Variants in WFDC1 observed in about 807,000 individuals in gnomAD.
WFDC1 encodes WAP four-disulfide core domain protein 1.
In WFDC1, 39 loss-of-function variants were observed where a neutral mutation model predicts 32.9. The observed-to-expected ratio is 1.19, with a 90% confidence interval of 0.92 to 1.55. The LOEUF (loss-of-function observed/expected upper bound fraction) is 1.55, where lower values mean the gene tolerates loss of function less well. WFDC1 is among the 40% of genes most tolerant of loss of function. The pLI, the probability that WFDC1 is intolerant of heterozygous loss-of-function variation, is 0.00. For missense variants in WFDC1, 386 were observed against 309.5 expected (o/e 1.25, Z -1.85); for synonymous variants, 184 against 137.4 (o/e 1.34, Z -2.37).
chr16:84,309,509 G>A (rs537036726), intron 1 of WFDC1, among the ~76,000 whole-genome samples: 32 of 152,198 alleles, frequency 2.1e-4, no homozygotes, highest in African/African-American at 7.2e-4. Context: ...CCTGGGGTGG[G>A]GTTCATTTAT....
chr16:84,316,377 A>C (rs1907949781), intron 2 of WFDC1: 1 of 152,214 alleles, frequency 6.6e-6, no homozygotes, highest in Non-Finnish European at 1.5e-5. Flanking sequence ...AAATATTAGT[A>C]ATTTTTATTT....
At chr16:84,319,621 C>G (rs377179871) in intron 4 of WFDC1, 50 bp downstream of exon 4, 1 of 1,596,094 alleles carries the variant, frequency 6.3e-7, no homozygotes, top group Non-Finnish European at 8.5e-7. Context: ...CAGTCCCCTT[C>G]TCCCTGTAAG....
intron 1 of WFDC1, among the ~76,000 whole-genome samples, chr16:84,306,844 A>C (rs1907292590): frequency 6.6e-6 from 1 of 152,160 alleles, no homozygotes. Flanking sequence ...TGTGCCAGGC[A>C]CTGTTCTACG....
intron 1 of WFDC1, among the ~76,000 whole-genome samples, chr16:84,308,957 A>C (rs1039893028): frequency 6.6e-6 from 1 of 152,198 alleles, no homozygotes; most frequent in Non-Finnish European, 1.5e-5. Context: ...CTGGGTGCAG[A>C]CTCAGGATAC....
intron 5 of WFDC1, 170 bp from the exon 6 acceptor site, chr16:84,326,712 G>A (rs1416651628): frequency 6.0e-6 from 4 of 666,176 alleles, no homozygotes; most frequent in East Asian, 2.6e-5. Flanking sequence ...CAGCTGGGGG[G>A]CCTGGGGAGG....
rs61742538 is a variant in WFDC1, at chr16:84,324,424, C to T, written c.568C>T (p.Arg190Ter). The change falls in exon 5 of 7, where the codon CGA (arginine) becomes TGA (stop). Residue 190 changes from arginine to a stop codon, truncating the protein, a stop_gained. Coordinates refer to ENST00000219454, the MANE Select transcript of WFDC1 (RefSeq NM_021197.4). LOFTEE classifies it high-confidence loss of function. Reference sequence around the variant, plus strand: ...TCCTCTCACTTGTTTTCCAGATGGGCGAATCCTACGACACAAACTTTACAA... The same window carrying T: ...TCCTCTCACTTGTTTTCCAGATGGGTGAATCCTACGACACAAACTTTACAA... The part of the protein sequence containing the change: ...CVKQRRQADG[R>*]ILRHKLYKEY... 7.7e-5 allele frequency: 125 copies of T among 1,613,472 alleles called. No homozygotes were observed. The highest frequency in any genetic ancestry group is 9.0e-5 in the Non-Finnish European group (106 of 1,179,908).
intron 1 of WFDC1, 109 bp downstream of exon 1, chr16:84,295,224 G>A (rs1014737245): frequency 2.7e-5 from 39 of 1,422,280 alleles, no homozygotes; most frequent in Non-Finnish European, 3.6e-5. Context: ...CCCCCAAAAC[G>A]TGGCAAGGCA....
chr16:84,322,464 A>G (rs560404877), intron 4 of WFDC1, among the ~76,000 whole-genome samples: 6 of 152,330 alleles, frequency 3.9e-5, no homozygotes, highest in African/African-American at 1.2e-4. Flanking sequence ...TTTCAGACTT[A>G]TAAAAATGTT....
chr16:84,299,675 G>A (rs1209819604), intron 1 of WFDC1, among the ~76,000 whole-genome samples: 1 of 152,200 alleles, frequency 6.6e-6, no homozygotes, highest in African/African-American at 2.4e-5. Context: ...TGCGGGCCTC[G>A]GTGCTATGCA....
rs1332359903 is a variant in WFDC1 at position 84,318,223 on chromosome 16, T to C, written c.338-49T>C. ...TGCCCCCAGCCCCCAAGCCTGGGCG[T>C]TTCTCAGCTGCTTGAGGAGGGCCCT... On this transcript the variant is annotated intron_variant, in intron 2 of 6. Transcript: ENST00000219454. 3.8e-6 allele frequency: 6 copies of C among 1,599,268 alleles called. No individual in the cohort carries two copies. In the Admixed American group the frequency reaches 1.0e-4, roughly 27 times the overall value.
At position 84,329,560 on chromosome 16, in the gene WFDC1, C is replaced by G. The variant is rs921162677; in HGVS notation, c.*254C>G. On this transcript the variant is annotated 3_prime_UTR_variant, in exon 7 of 7. Coordinates refer to ENST00000219454, the MANE Select transcript of WFDC1 (RefSeq NM_021197.4). ...CTGGGAGCAAGGCCCTGCAGCTCCA[C>G]GAGACCTTTACCCCGGGAAGAAGCC... 6.6e-6 allele frequency: 1 copy of G among 152,130 alleles called. No homozygotes were observed. The highest frequency in any genetic ancestry group is 2.4e-5 in the African/African-American group (1 of 41,424). 9.4% of individuals were successfully genotyped at this position (152,130 alleles called of 1,614,324 possible). A position where few individuals can be genotyped will look rare whatever the true frequency, so the allele number is the denominator to read the frequency against.
intron 1 of WFDC1, among the ~76,000 whole-genome samples, chr16:84,306,037 TA>T (rs1567653561): frequency 9.4e-6 from 1 of 106,240 alleles, no homozygotes; most frequent in Non-Finnish European, 1.9e-5. Flanking sequence ...ATAATAATAA[TA>T]ATAATAATAA....
At chr16:84,313,478 C>A (rs1246353951) in intron 2 of WFDC1, among the ~76,000 whole-genome samples, 1 of 152,180 alleles carries the variant, frequency 6.6e-6, no homozygotes, top group African/African-American at 2.4e-5. Context: ...CACCCATTCC[C>A]GGGAAAATGC....
chr16:84,323,304 C>T (rs1289203267), intron 4 of WFDC1, among the ~76,000 whole-genome samples: 9 of 152,168 alleles, frequency 5.9e-5, no homozygotes, highest in African/African-American at 1.7e-4. Flanking sequence ...CTGGCTACCG[C>T]GCATATGTGC....
chr16:84,296,649 G>A (rs952760689), intron 1 of WFDC1, among the ~76,000 whole-genome samples: 7 of 152,282 alleles, frequency 4.6e-5, no homozygotes, highest in Admixed American at 1.3e-4. Context: ...TGCTCGTGGC[G>A]GGAGACAGGA....
intron 1 of WFDC1, among the ~76,000 whole-genome samples, chr16:84,303,274 G>C (rs1167795301): frequency 1.3e-5 from 2 of 152,072 alleles, no homozygotes; most frequent in African/African-American, 4.8e-5. Flanking sequence ...GTGCTGGGGT[G>C]CATTTTTATT....
chr16:84,294,935 T>C lies in WFDC1; in HGVS notation c.-37T>C. On this transcript the variant is annotated 5_prime_UTR_variant, in exon 1 of 7. Transcript: ENST00000219454. The stretch of plus-strand genomic sequence containing the variant: ...CCCACGCAGCGAGGGGGGCCCCTCT[T>C]CTGTGTGCGTCTGGAAGGTCGCTGC... The C allele has an allele frequency of 6.3e-7, 1 of 1,597,068 alleles. No homozygotes were observed. The highest frequency in any genetic ancestry group is 1.1e-5 in the South Asian group (1 of 87,780).
At chr16:84,311,416 G>T (rs1433364247) in intron 1 of WFDC1, among the ~76,000 whole-genome samples, 1 of 113,102 alleles carries the variant, frequency 8.8e-6, no homozygotes, top group African/African-American at 3.0e-5. Flanking sequence ...TTTTAGTAGA[G>T]ACGGGGTTTC....
chr16:84,319,719 C>T (rs376985194), intron 4 of WFDC1, 148 bp downstream of exon 4: 26 of 1,103,420 alleles, frequency 2.4e-5, no homozygotes, highest in African/African-American at 4.7e-5. Flanking sequence ...TCCCCCTGCC[C>T]GGCTCCTTCT....
Sources: allele counts gnomAD v4.1 joint callset (sites outside exome capture counted in the v4.1 genomes callset), GRCh38; gene constraint gnomAD v4.1.1; transcripts MANE v1.5; gene names NCBI Gene and HGNC (gene_info 2026-07-23, HGNC 2026-07-21).